THAP6: variants seen among roughly 807,000 people sequenced by gnomAD.
THAP6 encodes the protein THAP domain-containing protein 6.
Under a neutral mutation model 20.0 loss-of-function variants are expected in THAP6, and 13 were observed. The observed-to-expected ratio is 0.65, with a 90% confidence interval of 0.42 to 1.03. THAP6 has a LOEUF of 1.03. Among genes scored for constraint, THAP6 ranks in the 50% least tolerant of loss-of-function variants. The pLI, the probability that THAP6 is intolerant of heterozygous loss-of-function variation, is 0.00. For missense variants in THAP6, 262 were observed against 261.6 expected, an observed-to-expected ratio of 1.00 and a Z score of -0.01; for synonymous variants, 93 against 92.2, an observed-to-expected ratio of 1.01 and a Z score of -0.05.
downstream of THAP6, among the ~76,000 whole-genome samples, chr4:75,531,479 G>A (rs1482050665): frequency 1.3e-5 from 2 of 152,160 alleles, no homozygotes; most frequent in Non-Finnish European, 2.9e-5. Context: ...ACAACTATAT[G>A]CCGAATTCTG....
intron 2 of THAP6, 69 bp downstream of exon 2, chr4:75,515,601 A>C (rs1389356829): frequency 3.3e-6 from 5 of 1,515,350 alleles, no homozygotes; most frequent in Non-Finnish European, 4.6e-6. Context: ...AGTTCTACTT[A>C]AGTCTTCAAT....
chr4:75,520,461 C>G (rs1052590857), intron 3 of THAP6, among the ~76,000 whole-genome samples: 1 of 152,112 alleles, frequency 6.6e-6, no homozygotes, highest in Non-Finnish European at 1.5e-5. Flanking sequence ...TCCTTTGGTT[C>G]CATATCCTTG....
At chr4:75,522,147 A>G in intron 4 of THAP6, 1 of 404,282 alleles carries the variant, frequency 2.5e-6, no homozygotes, top group South Asian at 7.3e-5. Flanking sequence ...CGTATGAAAT[A>G]TGTAATAAAA....
chr4:75,517,951 T>A (rs1206341549), intron 3 of THAP6, among the ~76,000 whole-genome samples: 1 of 152,264 alleles, frequency 6.6e-6, no homozygotes, highest in Middle Eastern at 3.4e-3. Flanking sequence ...TTGAAAGGGA[T>A]CTCCTTCCTG....
intron 2 of THAP6, among the ~76,000 whole-genome samples, chr4:75,536,688 TG>T (rs1287512475): frequency 6.6e-6 from 1 of 152,016 alleles, no homozygotes; most frequent in Non-Finnish European, 1.5e-5. Flanking sequence ...TTGTATTTTT[TG>T]TAGAGACAAG....
chr4:75,532,687 G>C (rs1216407213), downstream of THAP6, among the ~76,000 whole-genome samples: 1 of 152,226 alleles, frequency 6.6e-6, no homozygotes, highest in Non-Finnish European at 1.5e-5. Context: ...AGGCGGAGAT[G>C]CCCAAACCTC....
chr4:75,544,152 T>C (rs1416449142), intron 3 of THAP6, among the ~76,000 whole-genome samples: 1 of 152,174 alleles, frequency 6.6e-6, no homozygotes. Flanking sequence ...AATGCATCCA[T>C]CACCCAGCTT....
chr4:75,547,271 A>T (rs1276283073), intron 3 of THAP6, among the ~76,000 whole-genome samples: 1 of 152,184 alleles, frequency 6.6e-6, no homozygotes. Flanking sequence ...AGTGGTTAAA[A>T]TGGTCAATTT....
chr4:75,540,882 A>T (rs1457954328), intron 2 of THAP6, among the ~76,000 whole-genome samples: 2 of 152,190 alleles, frequency 1.3e-5, no homozygotes, highest in Non-Finnish European at 2.9e-5. Context: ...TGTCACTCTT[A>T]TTATAACACT....
At chr4:75,534,843 A>G (rs1726805306), downstream of THAP6, among the ~76,000 whole-genome samples, 1 of 152,250 alleles carries the variant, frequency 6.6e-6, no homozygotes, top group African/African-American at 2.4e-5. Context: ...AGAAATGCAA[A>G]TCAAAACCAC....
At chr4:75,542,820 C>T (rs17000621) in intron 3 of THAP6, 5,817 of 192,366 alleles carry the variant, frequency 0.03, 365 homozygotes, top group African/African-American at 0.13. Context: ...GTCTTAAAGG[C>T]CAGACTTCAG....
chr4:75,542,474 T>C (rs761833800), exon 3 of THAP6: 12 of 702,304 alleles, frequency 1.7e-5, no homozygotes, highest in African/African-American at 3.5e-5. Flanking sequence ...CCATCATAGC[T>C]AACATTTATA....
At position 75,529,488 on chromosome 4, in the gene THAP6, A is replaced by G; in HGVS notation, c.*2274A>G. ...TATCATTAAGGACCCAGAGCTGCCCATTTTCTCTTTGTTCTAATAGGGAAG... is the reference window on the plus strand; with the variant it reads ...TATCATTAAGGACCCAGAGCTGCCCGTTTTCTCTTTGTTCTAATAGGGAAG... On this transcript the variant is annotated 3_prime_UTR_variant, in exon 5 of 5. Transcript: ENST00000311638. 1 of 985,416 alleles carries G rather than the reference A, an allele frequency of 1.0e-6. No individual in the cohort carries two copies. The highest frequency in any genetic ancestry group is 1.2e-6 in the Non-Finnish European group (1 of 829,928). 61.0% of individuals were successfully genotyped at this position (985,416 alleles called of 1,614,324 possible).
chr4:75,530,118 C>A, downstream of THAP6: 1 of 976,260 alleles, frequency 1.0e-6, no homozygotes, highest in Non-Finnish European at 1.2e-6. Context: ...CTAATTTCTC[C>A]TCCACCAATA....
intron 4 of THAP6, 152 bp downstream of exon 4, chr4:75,522,013 T>C (rs1408168122): frequency 2.2e-6 from 2 of 908,268 alleles, no homozygotes; most frequent in Non-Finnish European, 3.2e-6. Flanking sequence ...TTGTAATTTA[T>C]ATATATGCAA....
intron 2 of THAP6, among the ~76,000 whole-genome samples, chr4:75,535,261 G>C (rs1726818553): frequency 6.6e-6 from 1 of 152,142 alleles, no homozygotes; most frequent in Non-Finnish European, 1.5e-5. Context: ...ATTTAGGTGG[G>C]GACACAGAGC....
chr4:75,523,665 G>T (rs1429403193), intron 4 of THAP6, among the ~76,000 whole-genome samples: 4 of 151,890 alleles, frequency 2.6e-5, no homozygotes, highest in Admixed American at 2.6e-4. Flanking sequence ...AATTAGCTGG[G>T]GGTGGTGGCA....
chr4:75,517,085 C>G, intron 3 of THAP6, 106 bp downstream of exon 3: 2 of 779,378 alleles, frequency 2.6e-6, no homozygotes, highest in Admixed American at 5.9e-5. Context: ...GTGGCGCGAT[C>G]TCAGCTCACT....
At chr4:75,541,955 CAAA>C (rs61213735) in intron 2 of THAP6, among the ~76,000 whole-genome samples, 9 of 102,392 alleles carry the variant, frequency 8.8e-5, no homozygotes, top group African/African-American at 1.5e-4. Flanking sequence ...AGACTGTCTC[CAAA>C]AAAAAAAAAA....
Sources: gnomAD v4.1 joint callset for allele counts (sites outside exome capture counted in the v4.1 genomes callset) on GRCh38, gnomAD v4.1.1 for gene constraint, MANE v1.5 for transcripts, NCBI Gene and HGNC (gene_info 2026-07-23, HGNC 2026-07-21) for gene names.